The following KIAA0825 variants were observed in gnomAD, a reference collection of about 807,000 sequenced individuals.
KIAA0825 encodes the protein KIAA0825, also known as uncharacterized protein KIAA0825.
A neutral mutation model predicts 147.6 loss-of-function variants in KIAA0825; 119 were observed. The observed-to-expected ratio is 0.81, with a 90% confidence interval of 0.69 to 0.94. The LOEUF (loss-of-function observed/expected upper bound fraction) is 0.94. Ranked by LOEUF, KIAA0825 falls within the 40% of genes least tolerant of loss-of-function variation. The pLI is 0.00. For missense variants in KIAA0825, 1,381 were observed against 1,472.7 expected (o/e 0.94, Z 1.02); for synonymous variants, 470 against 518.1 (o/e 0.91, Z 1.26).
At chr5:94,323,594 TA>T (rs1248731518) in intron 20 of KIAA0825, among the ~76,000 whole-genome samples, 10 of 151,694 alleles carry the variant, frequency 6.6e-5, no homozygotes, top group African/African-American at 2.2e-4. Flanking sequence ...GTGTATTCAG[TA>T]AAAGAATGGC....
At chr5:94,197,612 A>C (rs773844160) in intron 20 of KIAA0825, among the ~76,000 whole-genome samples, 3 of 152,214 alleles carry the variant, frequency 2.0e-5, no homozygotes, top group Non-Finnish European at 4.4e-5. Flanking sequence ...TAGGTCTTAC[A>C]TTTAAGTCTT....
In KIAA0825 at chr5:94,278,686, T is replaced by C. The variant is rs571156631; in HGVS notation, c.3710+105682A>G. ...TTGTATTTACAAAGATTTGTTGTGA[T>C]TGGAAATAACTTCTATCCTGAATGA... On this transcript the variant is annotated intron_variant, in intron 20 of 20. Transcript: ENST00000682413. 4.6e-5 allele frequency among the ~76,000 whole-genome samples: 7 copies of C among 152,284 alleles called. No individual in the cohort carries two copies. The South Asian group carries it at 1.2e-3, about 27-fold the overall frequency.
intron 2 of KIAA0825, among the ~76,000 whole-genome samples, chr5:94,554,937 C>A (rs771355985): frequency 7.3e-5 from 11 of 151,036 alleles, no homozygotes; most frequent in Non-Finnish European, 1.3e-4. Flanking sequence ...TATAAATTGC[C>A]TCTCTATATA....
intron 15 of KIAA0825, chr5:94,414,321 A>G (rs1584422649): frequency 6.6e-6 from 1 of 152,238 alleles, no homozygotes; most frequent in East Asian, 1.9e-4. Context: ...ACATTGTCTT[A>G]AAAACCAGCT....
chr5:94,547,329 G>C (rs1774604554), intron 2 of KIAA0825, among the ~76,000 whole-genome samples: 1 of 152,044 alleles, frequency 6.6e-6, no homozygotes, highest in Non-Finnish European at 1.5e-5. Flanking sequence ...CTCAAACTTA[G>C]AGAGGTATAT....
At chr5:94,566,856 A>G (rs1309904096) in intron 2 of KIAA0825, among the ~76,000 whole-genome samples, 1 of 152,146 alleles carries the variant, frequency 6.6e-6, no homozygotes, top group Non-Finnish European at 1.5e-5. Context: ...GAAATACATA[A>G]ATATTTTAGC....
chr5:94,588,784 A>G (rs1329519570), intron 1 of KIAA0825, among the ~76,000 whole-genome samples: 3 of 152,226 alleles, frequency 2.0e-5, no homozygotes, highest in African/African-American at 7.2e-5. Context: ...ACTTGGAACC[A>G]ACCCATATGT....
intron 6 of KIAA0825, among the ~76,000 whole-genome samples, chr5:94,482,885 G>T (rs1440904165): frequency 6.6e-6 from 1 of 151,890 alleles, no homozygotes; most frequent in Non-Finnish European, 1.5e-5. Context: ...CCACAAATGT[G>T]TTCATATAGT....
chr5:94,453,902 T>A (rs966868253), intron 12 of KIAA0825, among the ~76,000 whole-genome samples: 1 of 151,944 alleles, frequency 6.6e-6, no homozygotes, highest in African/African-American at 2.4e-5. Flanking sequence ...TTTAAAGTGA[T>A]TTATAAATAT....
intron 20 of KIAA0825, among the ~76,000 whole-genome samples, chr5:94,155,806 T>G (rs1304896908): frequency 6.6e-6 from 1 of 152,138 alleles, no homozygotes; most frequent in African/African-American, 2.4e-5. Flanking sequence ...GTCTAACAGG[T>G]TTTAATAACA....
At position 94,417,383 on chromosome 5, in the gene KIAA0825, TGAAAG is replaced by T; in HGVS notation, c.2498-23_2498-19del. 2 of 1,533,538 alleles carry T rather than the reference TGAAAG, an allele frequency of 1.3e-6. No homozygotes were observed. Among genetic ancestry groups the T allele is most frequent in the Non-Finnish European group, 1.8e-6 (2 of 1,133,568 alleles). The allele number at this position is 1,533,538 out of a possible 1,614,324, so 95.0% of individuals were successfully genotyped here. ...AACTTGTTCTTGAAAGGTACGTTCT[TGAAAG>T]GAATCAAAATGATTTAGTAAGATAT... On this transcript the variant is annotated intron_variant, in intron 14 of 20. Transcript: ENST00000682413.
chr5:94,379,637 T>G (rs995489931), intron 20 of KIAA0825, among the ~76,000 whole-genome samples: 3 of 152,142 alleles, frequency 2.0e-5, no homozygotes, highest in Non-Finnish European at 4.4e-5. Flanking sequence ...AAGAATGTTA[T>G]TGGTAGTTTG....
At chr5:94,362,883 CT>C (rs1380433987) in intron 20 of KIAA0825, among the ~76,000 whole-genome samples, 2 of 152,276 alleles carry the variant, frequency 1.3e-5, no homozygotes, top group East Asian at 3.9e-4. Flanking sequence ...CTATATAATG[CT>C]TTTGTCTGCT....
chr5:94,454,086 G>C (rs1304984916), intron 12 of KIAA0825, among the ~76,000 whole-genome samples: 4 of 152,194 alleles, frequency 2.6e-5, no homozygotes, highest in Non-Finnish European at 5.9e-5. Flanking sequence ...TTTCTAGATT[G>C]GCTCAAATTC....
chr5:94,351,104 AAATTGGT>A (rs1783618456), intron 20 of KIAA0825, among the ~76,000 whole-genome samples: 1 of 152,144 alleles, frequency 6.6e-6, no homozygotes, highest in Non-Finnish European at 1.5e-5. Flanking sequence ...AAGGGCATCC[AAATTGGT>A]TAAGAGGAGG....
intron 20 of KIAA0825, among the ~76,000 whole-genome samples, chr5:94,234,582 G>C (rs1359080742): frequency 6.6e-6 from 1 of 152,084 alleles, no homozygotes; most frequent in Non-Finnish European, 1.5e-5. Flanking sequence ...GCATCTGCTT[G>C]GCTTCTGGTG....
intron 20 of KIAA0825, among the ~76,000 whole-genome samples, chr5:94,171,010 A>C (rs1768563828): frequency 6.6e-6 from 1 of 152,196 alleles, no homozygotes; most frequent in Non-Finnish European, 1.5e-5. Context: ...AAGGAGCCAA[A>C]AATCCCTCTG....
At chr5:94,499,304 A>G (rs1222678062) in intron 5 of KIAA0825, among the ~76,000 whole-genome samples, 2 of 152,138 alleles carry the variant, frequency 1.3e-5, no homozygotes, top group Non-Finnish European at 2.9e-5. Context: ...CATGCTGTGA[A>G]CATCCCTCAT....
intron 20 of KIAA0825, among the ~76,000 whole-genome samples, chr5:94,198,774 A>G (rs1157356904): frequency 6.6e-6 from 1 of 152,168 alleles, no homozygotes; most frequent in Non-Finnish European, 1.5e-5. Context: ...GTAAACAACA[A>G]CAACAACAAA....
Sources: gnomAD v4.1 joint callset for allele counts (sites outside exome capture counted in the v4.1 genomes callset) on GRCh38, gnomAD v4.1.1 for gene constraint, MANE v1.5 for transcripts, NCBI Gene and HGNC (gene_info 2026-07-23, HGNC 2026-07-21) for gene names.